The following EFEMP1 variants were observed in gnomAD, a reference collection of about 807,000 sequenced individuals.
EFEMP1 encodes EGF-containing fibulin-like extracellular matrix protein 1.
A neutral mutation model predicts 65.7 loss-of-function variants in EFEMP1; 18 were observed. The ratio of observed to expected loss-of-function variants is 0.27; its 90% CI spans 0.19 to 0.41. The LOEUF is 0.41. Ranked by LOEUF, EFEMP1 falls within the 10% of genes least tolerant of loss-of-function variation. The pLI is 1.00. For missense variants in EFEMP1, 469 were observed against 624.8 expected, an observed-to-expected ratio of 0.75 and a Z score of 2.66; for synonymous variants, 237 against 219.7, an observed-to-expected ratio of 1.08 and a Z score of -0.70.
rs959204409 is a variant in EFEMP1, at chr2:55,877,267, A to G, written c.760+479T>C. ...CCCATACGGAGTTTTGCAATGCTCT[A>G]AAGCACTGAAAATATTGTGAAAAGG... On this transcript the variant is annotated intron_variant, in intron 7 of 11. Coordinates refer to ENST00000355426, the MANE Select transcript of EFEMP1 (RefSeq NM_001039348.3). This position sits in a 1 kb window ranked among gnomAD's most constrained non-coding sequence, Gnocchi z 4.5. 1.3e-5 allele frequency among the ~76,000 whole-genome samples: 2 copies of G among 152,190 alleles called. No homozygotes were observed. The highest frequency in any genetic ancestry group is 4.8e-5 in the African/African-American group (2 of 41,458).
chr2:55,914,501 A>T (rs2104447520), intron 5 of EFEMP1, among the ~76,000 whole-genome samples: 1 of 152,346 alleles, frequency 6.6e-6, no homozygotes, highest in East Asian at 1.9e-4. Context: ...CATTTAAAAT[A>T]TCTAGTGGTA....
intron 5 of EFEMP1, among the ~76,000 whole-genome samples, chr2:55,914,075 TATA>T (rs1670584718): frequency 6.6e-6 from 1 of 152,170 alleles, no homozygotes; most frequent in South Asian, 2.1e-4. Context: ...ATCAACAGAT[TATA>T]ATATATTCCC....
chr2:55,887,514 A>C (rs575378954), intron 5 of EFEMP1, among the ~76,000 whole-genome samples: 8 of 152,270 alleles, frequency 5.3e-5, no homozygotes, highest in African/African-American at 1.9e-4. Flanking sequence ...ATAGTACTGG[A>C]ATCAGATTTA....
Position 55,922,396 on chromosome 2 carries a change from G to A in EFEMP1, c.45C>T (p.Val15=), listed in dbSNP as rs761653279. ...LFLTMLTLAL[V]KSQDTEETIT... ...TGGTTTCTTCGGTGTCCTGTGACTTGACCAGCGCCAGAGTCAGCATAGTTA... is the reference window on the plus strand; with the variant it reads ...TGGTTTCTTCGGTGTCCTGTGACTTAACCAGCGCCAGAGTCAGCATAGTTA... The change falls in exon 3 of 12, where the codon GTC becomes GTT. Residue 15 remains valine (V), a synonymous_variant. Transcript: ENST00000355426. The surrounding 1 kb of genome is among the most constrained non-coding windows in gnomAD (Gnocchi z 5.5). 5.0e-6 allele frequency: 8 copies of A among 1,613,820 alleles called. No homozygotes were observed. The highest frequency in any genetic ancestry group is 1.3e-5 in the African/African-American group (1 of 74,902).
intron 6 of EFEMP1, among the ~76,000 whole-genome samples, chr2:55,879,334 C>A (rs890475049): frequency 6.6e-6 from 1 of 152,166 alleles, no homozygotes; most frequent in African/African-American, 2.4e-5. Context: ...TCCTAGTCCT[C>A]AGTACTATCA....
intron 5 of EFEMP1, among the ~76,000 whole-genome samples, chr2:55,910,717 C>A (rs920498288): frequency 6.6e-6 from 1 of 152,112 alleles, no homozygotes; most frequent in African/African-American, 2.4e-5. Context: ...ATCTCCTCGT[C>A]TTTGATGGGA....
chr2:55,893,230 A>C (rs1460691755), intron 5 of EFEMP1, among the ~76,000 whole-genome samples: 3 of 152,096 alleles, frequency 2.0e-5, no homozygotes, highest in Non-Finnish European at 2.9e-5. Context: ...ATTTTATTTG[A>C]GATTGTATCT....
intron 7 of EFEMP1, 106 bp from the exon 8 acceptor site, chr2:55,876,848 G>T (rs1669057744): frequency 1.7e-6 from 1 of 577,856 alleles, no homozygotes; most frequent in Non-Finnish European, 2.5e-6. Flanking sequence ...TACGTCATCT[G>T]CTGACAAGTG....
chr2:55,916,592 C>A (rs1359814788), intron 5 of EFEMP1, among the ~76,000 whole-genome samples: 6 of 152,210 alleles, frequency 3.9e-5, no homozygotes, highest in African/African-American at 1.4e-4. Context: ...CTCTTCCTTA[C>A]ACATGACCAG....
chr2:55,877,952 A>G lies in EFEMP1; in HGVS notation c.641-87T>C. On this transcript the variant is annotated intron_variant, in intron 6 of 11. Transcript: ENST00000355426. The surrounding 1 kb of genome is among the most constrained non-coding windows in gnomAD (Gnocchi z 4.5). Reference sequence around the variant, plus strand: ...CATTATCTAGAAAACCTATGTAGAGAAAATCTCTTTTTAAAAGTAATAATT... The same window carrying G: ...CATTATCTAGAAAACCTATGTAGAGGAAATCTCTTTTTAAAAGTAATAATT... The G allele has an allele frequency of 6.6e-7, 1 of 1,510,582 alleles. No individual in the cohort carries two copies. Among genetic ancestry groups the G allele is most frequent in the Non-Finnish European group, 9.0e-7 (1 of 1,107,536 alleles). The allele number at this position is 1,510,582 out of a possible 1,614,324, so 93.6% of individuals were successfully genotyped here.
chr2:55,889,718 G>T (rs1669560181), intron 5 of EFEMP1, among the ~76,000 whole-genome samples: 1 of 151,956 alleles, frequency 6.6e-6, no homozygotes, highest in Admixed American at 6.6e-5. Context: ...ATATTTTAAG[G>T]TCCTTGAATC....
At chr2:55,887,149 A>C (rs1292824907) in intron 5 of EFEMP1, among the ~76,000 whole-genome samples, 2 of 152,166 alleles carry the variant, frequency 1.3e-5, no homozygotes, top group Non-Finnish European at 1.5e-5. Context: ...AGATGAAGAA[A>C]AAAAAGGATG....
rs947724762 is a variant in EFEMP1 at position 55,922,288 on chromosome 2, G to T, written c.81+72C>A. ...GAGTATAGCCCAAATACACTGGCAGGGGTGTGTAAAGTCTTTTTTTGTCAC... is the reference window on the plus strand; with the variant it reads ...GAGTATAGCCCAAATACACTGGCAGTGGTGTGTAAAGTCTTTTTTTGTCAC... On this transcript the variant is annotated intron_variant, in intron 3 of 11. Coordinates refer to ENST00000355426, the MANE Select transcript of EFEMP1 (RefSeq NM_001039348.3). This position sits in a 1 kb window ranked among gnomAD's most constrained non-coding sequence, Gnocchi z 5.5. The T allele has an allele frequency of 7.4e-7, 1 of 1,357,328 alleles. No homozygotes were observed. Among genetic ancestry groups the T allele is most frequent in the Non-Finnish European group, 1.1e-6 (1 of 947,728 alleles). The allele number at this position is 1,357,328 out of a possible 1,614,324, so 84.1% of individuals were successfully genotyped here. A position where few individuals can be genotyped will look rare whatever the true frequency, so the allele number is the denominator to read the frequency against.
rs1296910828 is a variant in EFEMP1 at position 55,873,244 on chromosome 2, G to C, written c.1000+1702C>G. ...CTCAGAAGGAACGATTTCCGTAGGA[G>C]AAAGCAATTGCTTTATACTTTAGAA... On this transcript the variant is annotated intron_variant, in intron 9 of 11. Coordinates refer to ENST00000355426, the MANE Select transcript of EFEMP1 (RefSeq NM_001039348.3). The surrounding 1 kb of genome is among the most constrained non-coding windows in gnomAD (Gnocchi z 4.6). Among the ~76,000 whole-genome samples, 4 of 152,012 alleles carry C rather than the reference G, an allele frequency of 2.6e-5. No homozygotes were observed. Among genetic ancestry groups the C allele is most frequent in the Non-Finnish European group, 4.4e-5 (3 of 67,936 alleles).
chr2:55,880,486 C>T (rs72807774), intron 6 of EFEMP1, among the ~76,000 whole-genome samples: 4,404 of 152,304 alleles, frequency 0.029, 123 homozygotes, highest in South Asian at 0.14. Flanking sequence ...ATAGCAAACC[C>T]TGGGCCTTCC....
rs374747361 is a variant in EFEMP1 at position 55,917,739 on chromosome 2, C to T, written c.443G>A (p.Arg148His). 19 of 1,614,078 alleles carry T rather than the reference C, an allele frequency of 1.2e-5. No homozygotes were observed. Among genetic ancestry groups the T allele is most frequent in the East Asian group, 4.5e-5 (2 of 44,898 alleles). The part of the protein sequence containing the change: ...VIRRNPADPQ[R>H]IPSNPSHRIQ... ...ACGGTGGGAAGGGTTGGAGGGAATGCGCTGAGGGTCAGCTGGGTTCCGCCG... is the reference window on the plus strand; with the variant it reads ...ACGGTGGGAAGGGTTGGAGGGAATGTGCTGAGGGTCAGCTGGGTTCCGCCG... Residue 148 changes from arginine to histidine, a missense_variant, in exon 5 of 12, where the codon CGC becomes CAC. Coordinates refer to ENST00000355426, the MANE Select transcript of EFEMP1 (RefSeq NM_001039348.3). The surrounding 1 kb of genome is among the most constrained non-coding windows in gnomAD (Gnocchi z 6.3).
rs950717015 is a variant in EFEMP1, at chr2:55,877,811, G to C, written c.695C>G (p.Pro232Arg). Residue 232 changes from proline to arginine, a missense_variant, in exon 7 of 12, where the codon CCA (proline) becomes CGA (arginine). Transcript: ENST00000355426. The surrounding 1 kb of genome is among the most constrained non-coding windows in gnomAD (Gnocchi z 4.5). Reference sequence around the variant, plus strand: ...ACTGCACTGGCAATAAAATGAGCCTGGTGTATTCACGCATCTTTGGTGGCA... The same window carrying C: ...ACTGCACTGGCAATAAAATGAGCCTCGTGTATTCACGCATCTTTGGTGGCA... ...PYCHQRCVNT[P>R]GSFYCQCSPG... 1.2e-6 allele frequency: 2 copies of C among 1,613,250 alleles called. No individual in the cohort carries two copies. Among genetic ancestry groups the C allele is most frequent in the South Asian group, 2.2e-5 (2 of 91,072 alleles).
intron 5 of EFEMP1, among the ~76,000 whole-genome samples, chr2:55,909,256 C>T (rs1670393040): frequency 6.6e-6 from 1 of 152,076 alleles, no homozygotes; most frequent in Admixed American, 6.6e-5. Flanking sequence ...ATACTAATTG[C>T]CTATTCAATA....
In EFEMP1 at chr2:55,919,540, C is replaced by T. The variant is rs1007005381; in HGVS notation, c.82-1273G>A. ...GCTCAGGAAACAATCTGATCAGACG[C>T]TCATTTGAGAAAGTCACTGTAAGGA... On this transcript the variant is annotated intron_variant, in intron 3 of 11. Coordinates refer to ENST00000355426, the MANE Select transcript of EFEMP1 (RefSeq NM_001039348.3). This position sits in a 1 kb window ranked among gnomAD's most constrained non-coding sequence, Gnocchi z 4.5. Among the ~76,000 whole-genome samples the T allele has an allele frequency of 2.6e-5, 4 of 152,188 alleles. No homozygotes were observed. Among genetic ancestry groups the T allele is most frequent in the African/African-American group, 9.7e-5 (4 of 41,436 alleles).
Sources: gnomAD v4.1 joint callset for allele counts (sites outside exome capture counted in the v4.1 genomes callset) on GRCh38, gnomAD v4.1.1 for gene constraint, Gnocchi (gnomAD v3.1) non-coding constraint, MANE v1.5 for transcripts, NCBI Gene and HGNC (gene_info 2026-07-23, HGNC 2026-07-21) for gene names.